The following CACNA1E variants were observed in gnomAD, a reference collection of about 807,000 sequenced individuals.
CACNA1E encodes calcium voltage-gated channel subunit alpha1 E, also known as voltage-dependent R-type calcium channel subunit alpha-1E.
In CACNA1E, 40 loss-of-function variants were observed where a neutral mutation model predicts 259.2. That is an observed-to-expected ratio of 0.15 (90% CI 0.12 to 0.20). The LOEUF (loss-of-function observed/expected upper bound fraction) is 0.20. Ranked by LOEUF, CACNA1E falls within the 10% of genes least tolerant of loss-of-function variation. The probability of loss-of-function intolerance (pLI) is 1.00; values close to 1 mark genes in which losing one functional copy is unlikely to be tolerated. For missense variants in CACNA1E, 1,874 were observed against 3,040.1 expected (o/e 0.62, Z 9.02); for synonymous variants, 1,104 against 1,138.5 (o/e 0.97, Z 0.61).
intron 3 of CACNA1E, among the ~76,000 whole-genome samples, chr1:181,563,853 A>C (rs890211845): frequency 2.6e-5 from 4 of 152,238 alleles, no homozygotes; most frequent in African/African-American, 9.6e-5. Context: ...CAAGAAAGTC[A>C]CATAAATTCT....
chr1:181,456,254 G>A (rs938765110), intron 2 of CACNA1E, among the ~76,000 whole-genome samples: 8 of 152,142 alleles, frequency 5.3e-5, no homozygotes, highest in Non-Finnish European at 1.0e-4. Context: ...AGGAGGGATG[G>A]GCAGGTGAGT....
intron 1 of CACNA1E, among the ~76,000 whole-genome samples, chr1:181,335,166 C>G (rs1271875712): frequency 2.0e-5 from 3 of 152,206 alleles, no homozygotes; most frequent in Non-Finnish European, 4.4e-5. Context: ...CCTACCAACC[C>G]TGCCCTCCAG....
intron 6 of CACNA1E, among the ~76,000 whole-genome samples, chr1:181,600,730 T>C (rs1021683965): frequency 8.5e-5 from 13 of 152,164 alleles, no homozygotes; most frequent in Non-Finnish European, 1.5e-5. Context: ...AGTGGCCTAA[T>C]TGATGTCTAT....
At chr1:181,624,135 CA>C (rs1187680972) in intron 6 of CACNA1E, among the ~76,000 whole-genome samples, 5 of 152,138 alleles carry the variant, frequency 3.3e-5, no homozygotes, top group Admixed American at 1.3e-4. Context: ...AAATTCTAGA[CA>C]GAACTAATAG....
At chr1:181,401,908 ATACC>A (rs1413263450) in intron 1 of CACNA1E, among the ~76,000 whole-genome samples, 4,810 of 152,278 alleles carry the variant, frequency 0.032, 244 homozygotes, top group African/African-American at 0.11. Flanking sequence ...GACACCTTAA[ATACC>A]GCCTATTTAT....
intron 6 of CACNA1E, among the ~76,000 whole-genome samples, chr1:181,608,131 A>T (rs917482574): frequency 6.6e-6 from 1 of 152,098 alleles, no homozygotes; most frequent in Admixed American, 6.5e-5. Context: ...CCTCTTAGAA[A>T]CTAGAGGGCT....
At chr1:181,379,838 C>T (rs1394923072) in intron 1 of CACNA1E, among the ~76,000 whole-genome samples, 1 of 151,696 alleles carries the variant, frequency 6.6e-6, no homozygotes, top group Admixed American at 6.6e-5. Context: ...TAAAAGCCGC[C>T]AGAGAAAAAG....
intron 2 of CACNA1E, among the ~76,000 whole-genome samples, chr1:181,447,132 T>C (rs754531189): frequency 3.3e-5 from 5 of 152,222 alleles, no homozygotes; most frequent in Non-Finnish European, 7.3e-5. Flanking sequence ...ATATCCAGAA[T>C]ATCAAGGTTT....
intron 2 of CACNA1E, among the ~76,000 whole-genome samples, chr1:181,472,975 G>A (rs186367208): frequency 6.6e-5 from 10 of 152,248 alleles, no homozygotes; most frequent in Non-Finnish European, 1.3e-4. Context: ...AGATGCAGGA[G>A]GATTTAAATT....
chr1:181,652,423 C>G (rs1471932905), intron 7 of CACNA1E, among the ~76,000 whole-genome samples: 1 of 152,056 alleles, frequency 6.6e-6, no homozygotes, highest in Non-Finnish European at 1.5e-5. Context: ...TCCACTAACA[C>G]AGAAAATAAA....
chr1:181,536,628 T>C (rs1668189237), intron 3 of CACNA1E, among the ~76,000 whole-genome samples: 1 of 152,212 alleles, frequency 6.6e-6, no homozygotes, highest in African/African-American at 2.4e-5. Flanking sequence ...GATTGTAATA[T>C]TATCTTCTTT....
intron 3 of CACNA1E, among the ~76,000 whole-genome samples, chr1:181,515,171 A>G (rs1256523650): frequency 6.6e-6 from 1 of 151,942 alleles, no homozygotes; most frequent in African/African-American, 2.4e-5. Flanking sequence ...GTGTGGGATG[A>G]GCTCAGGGAG....
At chr1:181,770,609 C>T (rs1480872212) in intron 35 of CACNA1E, among the ~76,000 whole-genome samples, 2 of 152,166 alleles carry the variant, frequency 1.3e-5, no homozygotes, top group Non-Finnish European at 2.9e-5. Context: ...ATTTTAGCTC[C>T]TGCATAAATG....
intron 1 of CACNA1E, among the ~76,000 whole-genome samples, chr1:181,350,221 A>T (rs1442583894): frequency 6.6e-6 from 1 of 152,226 alleles, no homozygotes. Context: ...AAACTCACGC[A>T]AGTGATATTC....
chr1:181,322,660 A>G (rs1650451524), intron 1 of CACNA1E, among the ~76,000 whole-genome samples: 1 of 152,156 alleles, frequency 6.6e-6, no homozygotes, highest in South Asian at 2.1e-4. Context: ...AACTGCACTG[A>G]ATGAGGTTAT....
At position 181,734,376 on chromosome 1, in the gene CACNA1E, C is replaced by CA. The variant is rs879896726; in HGVS notation, c.3262+636dup. On this transcript the variant is annotated intron_variant, in intron 21 of 47. Transcript: ENST00000367573. ...ATGGTGTCCTAAAGGGAAACACAGC[C>CA]AAAAAAAAAAGCACTTCCCCACCCC... Among the ~76,000 whole-genome samples the CA allele has an allele frequency of 5.8e-3, 855 of 146,388 alleles. 17 individuals carry two copies. Among genetic ancestry groups the CA allele is most frequent in the African/African-American group, 0.02 (782 of 39,946 alleles).
intron 3 of CACNA1E, among the ~76,000 whole-genome samples, chr1:181,522,110 C>T (rs1419219988): frequency 1.3e-5 from 2 of 152,204 alleles, no homozygotes; most frequent in African/African-American, 4.8e-5. Context: ...GCCCAAATGA[C>T]TCCATGTCTC....
intron 2 of CACNA1E, among the ~76,000 whole-genome samples, chr1:181,462,181 AG>A (rs1257054818): frequency 1.3e-5 from 2 of 152,262 alleles, no homozygotes; most frequent in African/African-American, 4.8e-5. Context: ...AAAAGATTGT[AG>A]TTTTTAATAT....
chr1:181,685,164 G>A (rs1241738705), intron 7 of CACNA1E, among the ~76,000 whole-genome samples: 1 of 137,452 alleles, frequency 7.3e-6, no homozygotes, highest in Non-Finnish European at 1.5e-5. Flanking sequence ...CCAGGAGCAT[G>A]CTTACAAAGG....
Sources: allele counts gnomAD v4.1 joint callset (sites outside exome capture counted in the v4.1 genomes callset), GRCh38; gene constraint gnomAD v4.1.1; transcripts MANE v1.5; gene names NCBI Gene and HGNC (gene_info 2026-07-23, HGNC 2026-07-21).